Variants in ARL15 observed in about 807,000 individuals in gnomAD.
ARL15 encodes ARF like GTPase 15.
Under a neutral mutation model 25.2 loss-of-function variants are expected in ARL15, and 19 were observed. The ratio of observed to expected loss-of-function variants is 0.75; its 90% CI spans 0.53 to 1.10. The LOEUF (loss-of-function observed/expected upper bound fraction) is 1.10, where lower values mean the gene tolerates loss of function less well. Ranked by LOEUF, ARL15 falls within the 50% of genes least tolerant of loss-of-function variation. The pLI, the probability that ARL15 is intolerant of heterozygous loss-of-function variation, is 0.00. For synonymous variants in ARL15, 94 were observed against 86.8 expected (o/e 1.08, Z -0.46); for missense variants, 220 against 246.0 (o/e 0.89, Z 0.71).
At chr5:54,295,612 G>GA (rs1394878071) in intron 1 of ARL15, among the ~76,000 whole-genome samples, 1 of 151,950 alleles carries the variant, frequency 6.6e-6, no homozygotes, top group Non-Finnish European at 1.5e-5. Context: ...ATGTTACACT[G>GA]AAAAAAACAT....
intron 1 of ARL15, among the ~76,000 whole-genome samples, chr5:54,285,729 C>G (rs899083372): frequency 2.6e-5 from 4 of 152,150 alleles, no homozygotes. Context: ...CATACGGGAG[C>G]AGTAAAACCC....
intron 4 of ARL15, among the ~76,000 whole-genome samples, chr5:54,088,457 CTATT>C (rs1349667852): frequency 1.3e-5 from 2 of 152,148 alleles, no homozygotes; most frequent in South Asian, 2.1e-4. Context: ...AAAAAATCAT[CTATT>C]TGGCCATTGA....
chr5:53,905,229 GA>G (rs1745214073), intron 4 of ARL15, among the ~76,000 whole-genome samples: 1 of 152,086 alleles, frequency 6.6e-6, no homozygotes, highest in Admixed American at 6.5e-5. Context: ...TCCACTGTCA[GA>G]ATCAATACTA....
At chr5:54,290,524 T>C (rs1441933075) in intron 1 of ARL15, among the ~76,000 whole-genome samples, 2 of 152,154 alleles carry the variant, frequency 1.3e-5, no homozygotes, top group Non-Finnish European at 2.9e-5. Context: ...GCCAGGATGG[T>C]CTCGATCTCC....
chr5:53,999,772 T>C (rs1334776770), intron 4 of ARL15, among the ~76,000 whole-genome samples: 2 of 151,896 alleles, frequency 1.3e-5, no homozygotes, highest in Non-Finnish European at 2.9e-5. Context: ...GGCACATGCC[T>C]GTAATCTCAG....
intron 1 of ARL15, among the ~76,000 whole-genome samples, chr5:54,206,808 A>G (rs1156266037): frequency 4.6e-5 from 7 of 152,254 alleles, no homozygotes; most frequent in Admixed American, 4.6e-4. Flanking sequence ...AGCCAACCTT[A>G]TCAACACACC....
rs1002026402 is a variant in ARL15 at position 54,113,537 on chromosome 5, G to T, written c.254-127C>A. ...ATTAAGTGCTAAACTCTGTGGTATG[G>T]ATTAAAACAGGAATTTAGAAAAGGC... On this transcript the variant is annotated intron_variant, in intron 3 of 4. Transcript: ENST00000504924. 16 of 840,716 alleles carry T rather than the reference G, an allele frequency of 1.9e-5. 1 individual carries two copies. The highest frequency in any genetic ancestry group is 1.7e-4 in the Admixed American group (6 of 34,426). The allele number at this position is 840,716 out of a possible 1,614,324, so 52.1% of individuals were successfully genotyped here. A position where few individuals can be genotyped will look rare whatever the true frequency, so the allele number is the denominator to read the frequency against.
chr5:53,946,455 G>GAAAAAAA (rs55727717), intron 4 of ARL15, among the ~76,000 whole-genome samples: 2 of 43,954 alleles, frequency 4.6e-5, no homozygotes, highest in South Asian at 1.5e-3. Context: ...GTCTCAAGAG[G>GAAAAAAA]AAAAAAAAAA....
intron 4 of ARL15, among the ~76,000 whole-genome samples, chr5:53,911,157 C>T (rs1418220832): frequency 6.6e-6 from 1 of 152,186 alleles, no homozygotes; most frequent in East Asian, 1.9e-4. Flanking sequence ...GGAGTGTGGA[C>T]TCCAGTTTTA....
intron 1 of ARL15, among the ~76,000 whole-genome samples, chr5:54,263,683 G>T (rs984672758): frequency 6.6e-6 from 1 of 152,100 alleles, no homozygotes; most frequent in African/African-American, 2.4e-5. Context: ...TCTGAGAAAT[G>T]ATCATTGAAT....
chr5:54,285,251 T>C (rs1189356823), intron 1 of ARL15: 1 of 499,364 alleles, frequency 2.0e-6, no homozygotes, highest in Non-Finnish European at 2.6e-6. Flanking sequence ...CAAGACAGAT[T>C]GGTTACAATC....
At chr5:53,996,249 A>T (rs1748665890) in intron 4 of ARL15, among the ~76,000 whole-genome samples, 1 of 152,216 alleles carries the variant, frequency 6.6e-6, no homozygotes, top group Non-Finnish European at 1.5e-5. Flanking sequence ...TCTGACATTT[A>T]TGAGGGGAGC....
intron 1 of ARL15, among the ~76,000 whole-genome samples, chr5:54,230,511 T>C (rs1257631954): frequency 1.3e-5 from 2 of 152,002 alleles, no homozygotes; most frequent in Admixed American, 6.5e-5. Context: ...TCTCCTCAAA[T>C]GCCATGGGAC....
intron 4 of ARL15, among the ~76,000 whole-genome samples, chr5:53,976,278 A>C (rs1375263255): frequency 6.6e-6 from 1 of 152,176 alleles, no homozygotes; most frequent in African/African-American, 2.4e-5. Context: ...CTAGAGTAGA[A>C]AGGAAGTACA....
chr5:54,122,381 C>T (rs1276204633), intron 3 of ARL15, among the ~76,000 whole-genome samples: 2 of 152,216 alleles, frequency 1.3e-5, no homozygotes, highest in Non-Finnish European at 2.9e-5. Context: ...TTATGAAAAC[C>T]AAAACTGATC....
chr5:54,306,449 G>A (rs927948847), intron 1 of ARL15, among the ~76,000 whole-genome samples: 1 of 143,952 alleles, frequency 6.9e-6, no homozygotes, highest in Non-Finnish European at 1.5e-5. Flanking sequence ...AGGCTGGAGT[G>A]CAGTTGTGCG....
At chr5:54,175,819 A>G (rs1364425085) in intron 1 of ARL15, among the ~76,000 whole-genome samples, 1 of 150,478 alleles carries the variant, frequency 6.6e-6, no homozygotes, top group Non-Finnish European at 1.5e-5. Flanking sequence ...CACCCAGCTA[A>G]TTTTTGTATC....
chr5:54,231,664 G>C (rs530789691), intron 1 of ARL15, among the ~76,000 whole-genome samples: 137 of 152,254 alleles, frequency 9.0e-4, no homozygotes, highest in Admixed American at 2.7e-3. Context: ...AGGTCGGAAA[G>C]TCCAAGATCA....
rs533958948 is a variant in ARL15, at chr5:54,208,643, G to C, written c.49-36715C>G. 3.3e-5 allele frequency among the ~76,000 whole-genome samples: 5 copies of C among 152,256 alleles called. No individual in the cohort carries two copies. The East Asian group carries it at 9.7e-4, about 29-fold the overall frequency. ...ATGATGGACAATTATTTCCAAGCTA[G>C]AGTTCTATACCAACTAAACCATCAG... On this transcript the variant is annotated intron_variant, in intron 1 of 4. Transcript: ENST00000504924.
Sources: gnomAD v4.1 joint callset for allele counts (sites outside exome capture counted in the v4.1 genomes callset) on GRCh38, gnomAD v4.1.1 for gene constraint, MANE v1.5 for transcripts, NCBI Gene and HGNC (gene_info 2026-07-23, HGNC 2026-07-21) for gene names.